The following ARHGAP6 variants were observed in gnomAD, a reference collection of about 807,000 sequenced individuals.
ARHGAP6 encodes rho GTPase-activating protein 6.
ARHGAP6 carries 16 observed loss-of-function variants against 55.7 expected under a neutral mutation model. The observed-to-expected ratio is 0.29, with a 90% CI of 0.19 to 0.44. The LOEUF (loss-of-function observed/expected upper bound fraction) is 0.44, where lower values mean the gene tolerates loss of function less well. Among genes scored for constraint, ARHGAP6 ranks in the 20% least tolerant of loss-of-function variants. ARHGAP6 has a pLI of 1.00. For missense variants in ARHGAP6, 698 were observed against 808.9 expected, an observed-to-expected ratio of 0.86 and a Z score of 1.66; for synonymous variants, 382 against 360.9, an observed-to-expected ratio of 1.06 and a Z score of -0.66.
intron 1 of ARHGAP6, among the ~76,000 whole-genome samples, chrX:11,361,946 C>A (rs2147694672): frequency 8.9e-6 from 1 of 112,050 alleles, no homozygotes; most frequent in Admixed American, 9.4e-5. Flanking sequence ...AAATCAAAAC[C>A]ACAATGAGAT....
intron 1 of ARHGAP6, among the ~76,000 whole-genome samples, chrX:11,593,004 T>C (rs975310187): frequency 1.8e-5 from 2 of 112,101 alleles, no homozygotes; most frequent in Non-Finnish European, 3.8e-5. Context: ...AAAATAACTT[T>C]AGTGTCTGGA....
chrX:11,158,360 G>A (rs1252272210), intron 9 of ARHGAP6, among the ~76,000 whole-genome samples: 2 of 111,645 alleles, frequency 1.8e-5, no homozygotes, highest in Non-Finnish European at 3.8e-5. Flanking sequence ...ACAATACCAA[G>A]AAATAGAGAT....
chrX:11,311,435 A>G (rs1382419623), intron 1 of ARHGAP6, among the ~76,000 whole-genome samples: 1 of 111,860 alleles, frequency 8.9e-6, no homozygotes, highest in African/African-American at 3.3e-5. Context: ...TGTCATGCTC[A>G]AGGTTTAGTT....
At chrX:11,315,117 T>C (rs1275631253) in intron 1 of ARHGAP6, among the ~76,000 whole-genome samples, 1 of 112,358 alleles carries the variant, frequency 8.9e-6, no homozygotes, top group Non-Finnish European at 1.9e-5. Flanking sequence ...GGATGAACCA[T>C]TTGCCCAGAT....
At chrX:11,316,030 C>T (rs1569297961) in intron 1 of ARHGAP6, among the ~76,000 whole-genome samples, 2 of 112,111 alleles carry the variant, frequency 1.8e-5, no homozygotes, top group East Asian at 2.8e-4. Flanking sequence ...CTTCCACTCT[C>T]TATCACCAAT....
At chrX:11,231,742 T>G (rs1223578252) in intron 2 of ARHGAP6, among the ~76,000 whole-genome samples, 3 of 112,275 alleles carry the variant, frequency 2.7e-5, no homozygotes, top group African/African-American at 9.7e-5. Flanking sequence ...GATGTCAAAT[T>G]GAGCCAGGCC....
chrX:11,397,598 G>A (rs1211897075), intron 1 of ARHGAP6, among the ~76,000 whole-genome samples: 2 of 111,932 alleles, frequency 1.8e-5, no homozygotes, highest in Non-Finnish European at 3.8e-5. Context: ...TATCCTGCAA[G>A]CTGAACATGG....
chrX:11,451,385 G>A (rs2050142291), intron 1 of ARHGAP6, among the ~76,000 whole-genome samples: 1 of 112,047 alleles, frequency 8.9e-6, no homozygotes, highest in Non-Finnish European at 1.9e-5. Context: ...TGAGTTCACA[G>A]TGCAGCTTTC....
intron 1 of ARHGAP6, among the ~76,000 whole-genome samples, chrX:11,255,850 C>T (rs2047487732): frequency 8.9e-6 from 1 of 111,967 alleles, no homozygotes; most frequent in Admixed American, 9.5e-5. Context: ...TCAATGCAGA[C>T]AGTAAGAAAG....
At chrX:11,378,865 C>T (rs899175342) in intron 1 of ARHGAP6, among the ~76,000 whole-genome samples, 3 of 112,670 alleles carry the variant, frequency 2.7e-5, no homozygotes, top group African/African-American at 9.7e-5. Flanking sequence ...TCTCAATAAG[C>T]GTGTTCTACT....
At chrX:11,303,254 G>A (rs1268789276) in intron 1 of ARHGAP6, among the ~76,000 whole-genome samples, 1 of 112,272 alleles carries the variant, frequency 8.9e-6, no homozygotes, top group Non-Finnish European at 1.9e-5. Context: ...AATTCCTTTT[G>A]CCCCTATTTG....
chrX:11,340,978 G>A (rs1438735059), intron 1 of ARHGAP6, among the ~76,000 whole-genome samples: 2 of 100,273 alleles, frequency 2.0e-5, no homozygotes, highest in Non-Finnish European at 3.9e-5. Context: ...GATTAATACA[G>A]TTCCAACAGA....
chrX:11,349,370 C>T (rs1189141455), intron 1 of ARHGAP6, among the ~76,000 whole-genome samples: 1 of 111,135 alleles, frequency 9.0e-6, no homozygotes, highest in African/African-American at 3.3e-5. Context: ...ATCTCACTTA[C>T]CTTATTTTTT....
At chrX:11,648,559 T>C (rs903516300) in intron 1 of ARHGAP6, among the ~76,000 whole-genome samples, 1 of 112,027 alleles carries the variant, frequency 8.9e-6, no homozygotes, top group African/African-American at 3.2e-5. Flanking sequence ...TCCTATAACA[T>C]TTGAGAACGA....
At chrX:11,262,284 G>A (rs1404584057) in intron 1 of ARHGAP6, among the ~76,000 whole-genome samples, 3 of 111,333 alleles carry the variant, frequency 2.7e-5, no homozygotes, top group Non-Finnish European at 3.8e-5. Flanking sequence ...GTTAACTAAA[G>A]AGATTTCCTT....
chrX:11,453,990 C>T (rs1304664568), intron 1 of ARHGAP6, among the ~76,000 whole-genome samples: 1 of 111,317 alleles, frequency 9.0e-6, no homozygotes, highest in Non-Finnish European at 1.9e-5. Context: ...GTTGCCCAGG[C>T]TGGAGTGCAG....
chrX:11,182,676 T>C (rs1340822939), intron 5 of ARHGAP6, among the ~76,000 whole-genome samples: 7 of 102,408 alleles, frequency 6.8e-5, no homozygotes, highest in African/African-American at 2.2e-4. Context: ...CACTTTGTTG[T>C]CCAGGCTGGA....
chrX:11,495,207 G>T (rs2050609923), intron 1 of ARHGAP6, among the ~76,000 whole-genome samples: 1 of 111,720 alleles, frequency 9.0e-6, no homozygotes, highest in Non-Finnish European at 1.9e-5. Context: ...AGCCCTTAAA[G>T]AAGTCTGTCT....
chrX:11,632,136 T>C (rs935696057), intron 1 of ARHGAP6, among the ~76,000 whole-genome samples: 19 of 112,566 alleles, frequency 1.7e-4, no homozygotes, highest in African/African-American at 5.8e-4. Flanking sequence ...GAAGAACTAT[T>C]GTTAAGCTAC....
Sources: allele counts gnomAD v4.1 joint callset (sites outside exome capture counted in the v4.1 genomes callset), GRCh38; gene constraint gnomAD v4.1.1; transcripts MANE v1.5; gene names NCBI Gene and HGNC (gene_info 2026-07-23, HGNC 2026-07-21).